RFX3: variants seen among roughly 807,000 people sequenced by gnomAD.
RFX3 encodes regulatory factor X3.
In RFX3, 14 loss-of-function variants were observed where a neutral mutation model predicts 98.6. That is an observed-to-expected ratio of 0.14 (90% CI 0.09 to 0.22). The LOEUF is 0.22. Among genes scored for constraint, RFX3 ranks in the 10% least tolerant of loss-of-function variants. RFX3 has a pLI of 1.00. For missense variants in RFX3, 639 were observed against 926.9 expected (o/e 0.69, Z 4.03); for synonymous variants, 383 against 328.4 (o/e 1.17, Z -1.80).
intron 4 of RFX3, among the ~76,000 whole-genome samples, chr9:3,328,861 T>C (rs970010046): frequency 2.0e-5 from 3 of 152,188 alleles, no homozygotes; most frequent in African/African-American, 7.2e-5. Context: ...CTCTATTTCA[T>C]TGCAAGAACA....
intron 1 of RFX3, among the ~76,000 whole-genome samples, chr9:3,504,073 C>T (rs947056668): frequency 6.8e-5 from 10 of 147,554 alleles, no homozygotes; most frequent in South Asian, 4.2e-4. Context: ...TCAATCGGCT[C>T]GATTCCTTAG....
chr9:3,513,771 A>C lies in RFX3; in HGVS notation c.-9+11976T>G, dbSNP rs372656086. On this transcript the variant is annotated intron_variant, in intron 1 of 16. Transcript: ENST00000617270. ...ATCAACCCCCAAAAATGCTCAAGCA[A>C]ACCTAACCCAATCAAAATATTAAAA... is the stretch of plus-strand genomic sequence containing the variant. Among the ~76,000 whole-genome samples, 4 of 152,272 alleles carry C rather than the reference A, an allele frequency of 2.6e-5. No homozygotes were observed. The East Asian group carries it at 7.7e-4, about 29-fold the overall frequency.
intron 13 of RFX3, among the ~76,000 whole-genome samples, chr9:3,260,467 T>C (rs1370531869): frequency 6.6e-6 from 1 of 151,984 alleles, no homozygotes; most frequent in Non-Finnish European, 1.5e-5. Flanking sequence ...TATGTATTTA[T>C]ACATATAATA....
intron 2 of RFX3, among the ~76,000 whole-genome samples, chr9:3,357,245 T>C (rs1835885647): frequency 6.6e-6 from 1 of 152,010 alleles, no homozygotes; most frequent in Admixed American, 6.6e-5. Context: ...TTTTCAAACA[T>C]AGCCTCTCCG....
intron 4 of RFX3, among the ~76,000 whole-genome samples, chr9:3,329,123 G>A (rs896288960): frequency 6.6e-6 from 1 of 151,934 alleles, no homozygotes; most frequent in Non-Finnish European, 1.5e-5. Flanking sequence ...ACATTGTGTT[G>A]GCCGGGCTCA....
chr9:3,273,445 T>G (rs1196115811), intron 9 of RFX3, among the ~76,000 whole-genome samples: 1 of 152,192 alleles, frequency 6.6e-6, no homozygotes, highest in Non-Finnish European at 1.5e-5. Flanking sequence ...ATCTTATAAT[T>G]CAAAGACTAT....
Position 3,405,214 on chromosome 9 carries a change from A to G in RFX3, c.-8-9618T>C, listed in dbSNP as rs529301480. Among the ~76,000 whole-genome samples, 9 of 152,232 alleles carry G rather than the reference A, an allele frequency of 5.9e-5. No individual in the cohort carries two copies. In the East Asian group the frequency reaches 1.7e-3, roughly 29 times the overall value. On this transcript the variant is annotated intron_variant, in intron 1 of 16. Transcript: ENST00000617270. Reference sequence around the variant, plus strand: ...GTCCCTTTGAACAGAAAAAAAAACCAAAACAAACAAACAAACAAAAAAGAG... The same window carrying G: ...GTCCCTTTGAACAGAAAAAAAAACCGAAACAAACAAACAAACAAAAAAGAG...
intron 1 of RFX3, among the ~76,000 whole-genome samples, chr9:3,432,096 C>T (rs1360862601): frequency 6.6e-6 from 1 of 152,160 alleles, no homozygotes; most frequent in Admixed American, 6.5e-5. Flanking sequence ...TCTTTTGCCA[C>T]ACTGCCTAAG....
chr9:3,519,861 G>C (rs78971525), intron 1 of RFX3, among the ~76,000 whole-genome samples: 1 of 151,262 alleles, frequency 6.6e-6, no homozygotes, highest in African/African-American at 2.4e-5. Context: ...TAAAGATTTT[G>C]AAGCAATACA....
chr9:3,355,221 C>A (rs879551246), intron 2 of RFX3, among the ~76,000 whole-genome samples: 2 of 151,704 alleles, frequency 1.3e-5, no homozygotes, highest in African/African-American at 2.4e-5. Context: ...TTAAATGCAA[C>A]CATATCAATA....
intron 1 of RFX3, among the ~76,000 whole-genome samples, chr9:3,446,508 G>A (rs921338253): frequency 2.0e-5 from 3 of 151,974 alleles, no homozygotes; most frequent in Admixed American, 6.6e-5. Context: ...TAACCTTTCT[G>A]TGACCTCCTC....
At chr9:3,513,263 C>T (rs1361731093) in intron 1 of RFX3, among the ~76,000 whole-genome samples, 4 of 152,080 alleles carry the variant, frequency 2.6e-5, no homozygotes, top group African/African-American at 9.7e-5. Flanking sequence ...TGTCATCAGT[C>T]ATAGCAGTGA....
intron 3 of RFX3, among the ~76,000 whole-genome samples, chr9:3,336,983 C>T (rs986918404): frequency 3.3e-5 from 5 of 152,032 alleles, no homozygotes; most frequent in Admixed American, 1.3e-4. Flanking sequence ...AATTTTCTCA[C>T]GGTGGATGAT....
chr9:3,333,107 G>T (rs1426505456), intron 3 of RFX3, among the ~76,000 whole-genome samples: 1 of 152,094 alleles, frequency 6.6e-6, no homozygotes, highest in Non-Finnish European at 1.5e-5. Flanking sequence ...TACATAGCTG[G>T]CACACTAATC....
At chr9:3,249,432 T>G (rs1490066520) in intron 14 of RFX3, among the ~76,000 whole-genome samples, 1 of 152,122 alleles carries the variant, frequency 6.6e-6, no homozygotes, top group Non-Finnish European at 1.5e-5. Context: ...AACAAAACAT[T>G]GCCTTTAGTC....
At chr9:3,465,947 C>A (rs1416108956) in intron 1 of RFX3, among the ~76,000 whole-genome samples, 1 of 151,942 alleles carries the variant, frequency 6.6e-6, no homozygotes, top group East Asian at 1.9e-4. Context: ...GTAGCTGTGA[C>A]CATATGAACA....
chr9:3,278,237 T>A (rs3012680), intron 7 of RFX3, among the ~76,000 whole-genome samples: 39,443 of 151,498 alleles, frequency 0.26, 7,231 homozygotes, highest in African/African-American at 0.53. Context: ...AAACAAAACA[T>A]AAAAAAGCCT....
chr9:3,332,278 G>C (rs372507969), intron 3 of RFX3, among the ~76,000 whole-genome samples: 1 of 152,090 alleles, frequency 6.6e-6, no homozygotes, highest in Admixed American at 6.6e-5. Context: ...CTTGGGGATA[G>C]GACCCATATC....
chr9:3,272,021 A>C (rs1824557334), intron 9 of RFX3, among the ~76,000 whole-genome samples: 1 of 152,056 alleles, frequency 6.6e-6, no homozygotes, highest in Non-Finnish European at 1.5e-5. Context: ...TATTTCCCAG[A>C]TGCATCTAAG....
Sources: gnomAD v4.1 joint callset for allele counts (sites outside exome capture counted in the v4.1 genomes callset) on GRCh38, gnomAD v4.1.1 for gene constraint, MANE v1.5 for transcripts, NCBI Gene and HGNC (gene_info 2026-07-23, HGNC 2026-07-21) for gene names.